The following PRDM5 variants were observed in gnomAD, a reference collection of about 807,000 sequenced individuals.
PRDM5 encodes the protein PR/SET domain 5, also known as PR domain zinc finger protein 5.
Under a neutral mutation model 81.2 loss-of-function variants are expected in PRDM5, and 56 were observed. The ratio of observed to expected loss-of-function variants is 0.69; its 90% CI spans 0.56 to 0.86. The LOEUF (loss-of-function observed/expected upper bound fraction) is 0.86, where lower values mean the gene tolerates loss of function less well. Among genes scored for constraint, PRDM5 ranks in the 40% least tolerant of loss-of-function variants. The pLI is 0.00. For missense variants in PRDM5, 697 were observed against 770.1 expected (o/e 0.91, Z 1.12); for synonymous variants, 267 against 256.4 (o/e 1.04, Z -0.39).
chr4:120,883,270 C>T (rs141397504), intron 2 of PRDM5, among the ~76,000 whole-genome samples: 1 of 152,212 alleles, frequency 6.6e-6, no homozygotes, highest in Non-Finnish European at 1.5e-5. Context: ...CCACATTGCA[C>T]TTTCTTAAAG....
chr4:120,718,338 G>T (rs1738101658), intron 14 of PRDM5, among the ~76,000 whole-genome samples: 1 of 151,996 alleles, frequency 6.6e-6, no homozygotes, highest in South Asian at 2.1e-4. Context: ...GGACTTAAAG[G>T]GTACGCATAC....
chr4:120,780,553 T>A lies in PRDM5; in HGVS notation c.1443+590A>T, dbSNP rs1470484258. ...AACGCATTATTGAGCACGTAAAAAATAAACTTGATTCCCTTGAGGTAATGA... is the reference window on the plus strand; with the variant it reads ...AACGCATTATTGAGCACGTAAAAAAAAAACTTGATTCCCTTGAGGTAATGA... On this transcript the variant is annotated intron_variant, in intron 12 of 15. Transcript: ENST00000264808. Among the ~76,000 whole-genome samples, 7 of 152,156 alleles carry A rather than the reference T, an allele frequency of 4.6e-5. No individual in the cohort carries two copies. The South Asian group carries it at 1.4e-3, about 31-fold the overall frequency.
At chr4:120,800,093 G>A (rs1751925321) in intron 8 of PRDM5, among the ~76,000 whole-genome samples, 1 of 152,178 alleles carries the variant, frequency 6.6e-6, no homozygotes, top group Admixed American at 6.5e-5. Context: ...GTAGCATGCA[G>A]TTAATAATAT....
At chr4:120,778,975 A>G (rs932509454) in intron 12 of PRDM5, among the ~76,000 whole-genome samples, 1 of 152,144 alleles carries the variant, frequency 6.6e-6, no homozygotes, top group Non-Finnish European at 1.5e-5. Context: ...TAGAAATTAT[A>G]TATACATATC....
chr4:120,907,269 C>T (rs1023038521), intron 2 of PRDM5, among the ~76,000 whole-genome samples: 1 of 148,512 alleles, frequency 6.7e-6, no homozygotes, highest in African/African-American at 2.5e-5. Flanking sequence ...GGGGGGCGGA[C>T]GTTGCAGTGA....
chr4:120,844,458 T>C (rs1363528449), intron 3 of PRDM5, among the ~76,000 whole-genome samples: 1 of 152,200 alleles, frequency 6.6e-6, no homozygotes, highest in Non-Finnish European at 1.5e-5. Flanking sequence ...TTTGCAATAT[T>C]TCTAACCTTT....
chr4:120,903,591 G>A (rs1238009937), intron 2 of PRDM5, among the ~76,000 whole-genome samples: 1 of 152,122 alleles, frequency 6.6e-6, no homozygotes, highest in Non-Finnish European at 1.5e-5. Flanking sequence ...TGCACAACTG[G>A]GCAGAGCAGG....
intron 1 of PRDM5, among the ~76,000 whole-genome samples, chr4:120,686,809 T>C (rs1299138684): frequency 6.6e-6 from 1 of 152,030 alleles, no homozygotes; most frequent in Non-Finnish European, 1.5e-5. Flanking sequence ...TTAGTTTTAA[T>C]TTAATCATCA....
At chr4:120,913,574 T>C (rs1051379215) in intron 1 of PRDM5, among the ~76,000 whole-genome samples, 4 of 152,272 alleles carry the variant, frequency 2.6e-5, no homozygotes, top group Non-Finnish European at 5.9e-5. Context: ...ACAAAAAGAA[T>C]TGTGGGTATA....
intron 1 of PRDM5, among the ~76,000 whole-genome samples, chr4:120,686,413 T>C (rs922771985): frequency 1.2e-4 from 19 of 152,150 alleles, no homozygotes; most frequent in African/African-American, 4.3e-4. Flanking sequence ...TTTGTTAAAG[T>C]ATTTCCTCAG....
At chr4:120,691,665 T>C (rs557913650), downstream of PRDM5, among the ~76,000 whole-genome samples, 14 of 152,172 alleles carry the variant, frequency 9.2e-5, no homozygotes, top group Middle Eastern at 3.4e-3. Context: ...TTGTTCTTTG[T>C]ATAACCAGGA....
At chr4:120,835,383 C>A (rs1450130952) in intron 3 of PRDM5, among the ~76,000 whole-genome samples, 4 of 152,128 alleles carry the variant, frequency 2.6e-5, no homozygotes, top group Non-Finnish European at 5.9e-5. Context: ...TGTGCCTATG[C>A]CTGTGTGCAT....
At chr4:120,763,470 G>A (rs999795439) in intron 13 of PRDM5, among the ~76,000 whole-genome samples, 1 of 152,106 alleles carries the variant, frequency 6.6e-6, no homozygotes, top group Non-Finnish European at 1.5e-5. Context: ...TGATGTGAGT[G>A]CTGGCAAAAG....
At chr4:120,707,445 A>T (rs115899592) in intron 15 of PRDM5, among the ~76,000 whole-genome samples, 3,008 of 152,140 alleles carry the variant, frequency 0.02, 52 homozygotes, top group Non-Finnish European at 0.03. Context: ...AACAAAATAA[A>T]GGGCATTTAT....
intron 8 of PRDM5, among the ~76,000 whole-genome samples, chr4:120,808,627 G>A (rs1002401257): frequency 1.1e-4 from 16 of 152,132 alleles, no homozygotes; most frequent in Admixed American, 3.3e-4. Flanking sequence ...TCAGCCCTTG[G>A]GTGGTCGATG....
chr4:120,720,675 T>A (rs1738474359), intron 14 of PRDM5, among the ~76,000 whole-genome samples: 1 of 152,242 alleles, frequency 6.6e-6, no homozygotes, highest in Admixed American at 6.5e-5. Context: ...CTTTTACAGA[T>A]GTTTATAGCT....
In PRDM5 at chr4:120,778,395, T is replaced by C. The variant is rs139911323; in HGVS notation, c.1444-1114A>G. Among the ~76,000 whole-genome samples the C allele has an allele frequency of 2.4e-3, 361 of 152,118 alleles. 1 individual carries two copies. The highest frequency in any genetic ancestry group is 8.4e-3 in the African/African-American group (349 of 41,520). ...TCTCAGAAGACAACACTGGCTGTCA[T>C]AGAGAAAAAGGGGTGGGGCAATTAC... On this transcript the variant is annotated intron_variant, in intron 12 of 15. Transcript: ENST00000264808.
intron 8 of PRDM5, among the ~76,000 whole-genome samples, chr4:120,808,026 A>G (rs1215514954): frequency 6.6e-6 from 1 of 152,200 alleles, no homozygotes; most frequent in Non-Finnish European, 1.5e-5. Context: ...GAGAAGCTGC[A>G]GACCTTTGCA....
chr4:120,881,029 C>T (rs976638749), intron 2 of PRDM5, among the ~76,000 whole-genome samples: 56 of 152,158 alleles, frequency 3.7e-4, no homozygotes, highest in African/African-American at 7.0e-4. Context: ...TTACATAACA[C>T]TGTACTATAA....
Sources: allele counts gnomAD v4.1 joint callset (sites outside exome capture counted in the v4.1 genomes callset), GRCh38; gene constraint gnomAD v4.1.1; transcripts MANE v1.5; gene names NCBI Gene and HGNC (gene_info 2026-07-23, HGNC 2026-07-21).